DGUOK: variants seen among roughly 807,000 people sequenced by gnomAD.
DGUOK encodes deoxyguanosine kinase, mitochondrial.
A neutral mutation model predicts 36.6 loss-of-function variants in DGUOK; 30 were observed. That is an observed-to-expected ratio of 0.82 (90% CI 0.61 to 1.11). The LOEUF (loss-of-function observed/expected upper bound fraction) is 1.11. Ranked by LOEUF, DGUOK falls within the 50% of genes most tolerant of loss-of-function variation. DGUOK has a pLI of 0.00. For missense variants in DGUOK, 361 were observed against 336.4 expected, an observed-to-expected ratio of 1.07 and a Z score of -0.57; for synonymous variants, 145 against 126.3, an observed-to-expected ratio of 1.15 and a Z score of -0.99.
intron 5 of DGUOK, 49 bp downstream of exon 5, chr2:73,957,289 C>G (rs1278819097): frequency 7.0e-7 from 1 of 1,436,170 alleles, no homozygotes; most frequent in Non-Finnish European, 9.7e-7. Context: ...TGGCTCCCAA[C>G]AGCCAGTTGT....
At chr2:73,944,193 A>AT (rs1011028209) in intron 2 of DGUOK, among the ~76,000 whole-genome samples, 2 of 151,846 alleles carry the variant, frequency 1.3e-5, no homozygotes, top group African/African-American at 4.8e-5. Flanking sequence ...TAACTTTTAA[A>AT]TTTTTTTGTG....
intron 3 of DGUOK, among the ~76,000 whole-genome samples, chr2:73,948,886 T>C (rs1348603853): frequency 6.6e-6 from 1 of 152,166 alleles, no homozygotes; most frequent in Non-Finnish European, 1.5e-5. Flanking sequence ...AAGGAAGTGC[T>C]CTTTCTCAAG....
intron 3 of DGUOK, among the ~76,000 whole-genome samples, chr2:73,948,815 C>G (rs556392829): frequency 7.8e-4 from 119 of 152,286 alleles, no homozygotes; most frequent in African/African-American, 2.3e-3. Flanking sequence ...TACTTCCCTC[C>G]CACTCAGCAC....
intron 4 of DGUOK, among the ~76,000 whole-genome samples, chr2:73,952,610 C>T (rs184705402): frequency 3.3e-5 from 5 of 152,286 alleles, no homozygotes; most frequent in Admixed American, 6.5e-5. Flanking sequence ...GTTCTCAGGA[C>T]GAGCTGAGCA....
At chr2:73,934,765 A>AG (rs1681326171) in intron 1 of DGUOK, among the ~76,000 whole-genome samples, 1 of 149,966 alleles carries the variant, frequency 6.7e-6, no homozygotes, top group East Asian at 2.0e-4. Context: ...AAAAAAAAAA[A>AG]AAAAGGAAAG....
In DGUOK at chr2:73,926,909, G is replaced by C. The variant is rs753441865; in HGVS notation, c.-2G>C. On this transcript the variant is annotated 5_prime_UTR_variant, in exon 1 of 7. Coordinates refer to ENST00000264093, the MANE Select transcript of DGUOK (RefSeq NM_080916.3). ...GTGATCGCTGTGTGAATCGTGGGTG[G>C]GATGGCCGCGGGCCGCCTCTTTCTA... 1.2e-6 allele frequency: 2 copies of C among 1,613,354 alleles called. No individual in the cohort carries two copies. Among genetic ancestry groups the C allele is most frequent in the Non-Finnish European group, 1.7e-6 (2 of 1,179,994 alleles).
rs1278230839 is a variant in DGUOK, at chr2:73,957,201, A to G, written c.668A>G (p.His223Arg). 1 of 1,614,092 alleles carries G rather than the reference A, an allele frequency of 6.2e-7. No homozygotes were observed. Among genetic ancestry groups the G allele is most frequent in the African/African-American group, 1.3e-5 (1 of 74,940 alleles). ...GIELAYLEQL[H>R]GQHEAWLIHK... ...GAGCTGGCCTATCTAGAGCAGCTGC[A>G]TGGCCAACACGAAGCCTGGCTTATT... Residue 223 changes from histidine (H) to arginine (R), a missense_variant, in exon 5 of 7, where the codon CAT becomes CGT. Transcript: ENST00000264093.
chr2:73,941,870 T>C (rs548090692), intron 2 of DGUOK, among the ~76,000 whole-genome samples: 114 of 152,148 alleles, frequency 7.5e-4, no homozygotes, highest in Admixed American at 1.4e-3. Flanking sequence ...CATTGTATGT[T>C]AAGTATATTA....
In DGUOK at chr2:73,946,529, A is replaced by C. The variant is rs1523828; in HGVS notation, c.256-190A>C. ...TATTTAATAGGTAGGAAAATCTCAT[A>C]CCTGATTATGAAATTTTGACTAAGC... On this transcript the variant is annotated intron_variant, in intron 2 of 6. Coordinates refer to ENST00000264093, the MANE Select transcript of DGUOK (RefSeq NM_080916.3). 0.69 allele frequency among the ~76,000 whole-genome samples: 104,632 copies of C among 152,104 alleles called. 36,229 individuals are homozygous for C. Among genetic ancestry groups the C allele is most frequent in the African/African-American group, 0.7 (29,012 of 41,456 alleles).
Position 73,946,887 on chromosome 2 carries a change from A to T in DGUOK, c.424A>T (p.Arg142Trp), listed in dbSNP as rs1243766366. The change falls in exon 3 of 7, where the codon AGG becomes TGG. Residue 142 changes from arginine to tryptophan, a missense_variant. Physicochemically the swap from Arg to Trp is moderately radical, Grantham distance 101 (BLOSUM62 -3). Transcript: ENST00000264093. ...CAGGAAGCCAGTACAGATCTTTGAG[A>T]GGTCTGTGTACAGTGACAGGTAAAA... ...QARKPVQIFERSVYSDRYIFA... is the reference protein window; with the variant it reads ...QARKPVQIFEWSVYSDRYIFA... 1 of 1,612,650 alleles carries T rather than the reference A, an allele frequency of 6.2e-7. No individual in the cohort carries two copies. The highest frequency in any genetic ancestry group is 8.5e-7 in the Non-Finnish European group (1 of 1,179,694).
At chr2:73,948,239 T>TAGTC (rs147249044) in intron 3 of DGUOK, among the ~76,000 whole-genome samples, 1 of 152,202 alleles carries the variant, frequency 6.6e-6, no homozygotes. Flanking sequence ...TTTGGAAACA[T>TAGTC]AGTCAGTCTT....
chr2:73,935,230 G>T (rs920288174), intron 1 of DGUOK, among the ~76,000 whole-genome samples: 2 of 152,198 alleles, frequency 1.3e-5, no homozygotes, highest in Non-Finnish European at 2.9e-5. Context: ...GACAGAGAGA[G>T]ACCCCCATCT....
At chr2:73,955,347 A>G (rs1683010997) in intron 4 of DGUOK, among the ~76,000 whole-genome samples, 1 of 152,248 alleles carries the variant, frequency 6.6e-6, no homozygotes, top group Admixed American at 6.5e-5. Context: ...TAGAAATCCT[A>G]AAGCTACCTT....
chr2:73,935,601 T>C (rs553135865), intron 1 of DGUOK, among the ~76,000 whole-genome samples: 1 of 152,348 alleles, frequency 6.6e-6, no homozygotes, highest in South Asian at 2.1e-4. Context: ...CTGTGGGTGG[T>C]ACCTGGCACA....
chr2:73,929,928 T>C (rs1478655567), intron 1 of DGUOK, among the ~76,000 whole-genome samples: 1 of 152,226 alleles, frequency 6.6e-6, no homozygotes, highest in Non-Finnish European at 1.5e-5. Flanking sequence ...TTTAATTTTC[T>C]TTTTGTGAAA....
chr2:73,958,001 T>C, intron 5 of DGUOK, 145 bp from the exon 6 acceptor site: 1 of 657,440 alleles, frequency 1.5e-6, no homozygotes, highest in Non-Finnish European at 2.7e-6. Flanking sequence ...GAATTTGTTT[T>C]TTTAAATGCA....
chr2:73,931,996 T>C lies in DGUOK; in HGVS notation c.142+4944T>C, dbSNP rs555786640. 2.0e-5 allele frequency among the ~76,000 whole-genome samples: 3 copies of C among 152,066 alleles called. No homozygotes were observed. The East Asian group carries it at 5.8e-4, about 29-fold the overall frequency. ...AGGATGGGAATAAAGGAAGAGGCGG[T>C]CTGGGGAGGTTAGAGTGATATGTTT... On this transcript the variant is annotated intron_variant, in intron 1 of 6. Coordinates refer to ENST00000264093, the MANE Select transcript of DGUOK (RefSeq NM_080916.3).
intron 3 of DGUOK, among the ~76,000 whole-genome samples, chr2:73,949,656 C>G (rs1682571957): frequency 6.6e-6 from 1 of 152,172 alleles, no homozygotes; most frequent in African/African-American, 2.4e-5. Flanking sequence ...TCTGTACTTT[C>G]CTGAGCCATC....
In DGUOK at chr2:73,958,149, C is replaced by G. The variant is rs1400940907; in HGVS notation, c.711C>G (p.Leu237=). 6.2e-7 allele frequency: 1 copy of G among 1,613,218 alleles called. No individual in the cohort carries two copies. The highest frequency in any genetic ancestry group is 8.5e-7 in the Non-Finnish European group (1 of 1,179,482). ...CAAACGTTCACGCTTCTTATAGGCT[C>G]CACTTTGAGGCTCTGATGAACATTC... ...EAWLIHKTTK[L]HFEALMNIPV... is the part of the protein sequence containing the mutation. The change falls in exon 6 of 7, where the codon CTC becomes CTG. Residue 237 remains leucine (L), a synonymous_variant. Transcript: ENST00000264093.
Sources: gnomAD v4.1 joint callset for allele counts (sites outside exome capture counted in the v4.1 genomes callset) on GRCh38, gnomAD v4.1.1 for gene constraint, MANE v1.5 for transcripts, NCBI Gene and HGNC (gene_info 2026-07-23, HGNC 2026-07-21) for gene names.